Variants in ADCK1 observed in about 807,000 individuals in gnomAD.
ADCK1 encodes aarF domain containing kinase 1, also known as aarF domain-containing protein kinase 1.
Under a neutral mutation model 52.3 loss-of-function variants are expected in ADCK1, and 41 were observed. The ratio of observed to expected loss-of-function variants is 0.78; its 90% CI spans 0.61 to 1.02. ADCK1 has a LOEUF of 1.02. Ranked by LOEUF, ADCK1 falls within the 50% of genes least tolerant of loss-of-function variation. The pLI is 0.00. For synonymous variants in ADCK1, 250 were observed against 274.6 expected (o/e 0.91, Z 0.89); for missense variants, 658 against 679.5 (o/e 0.97, Z 0.35).
In ADCK1 at chr14:77,829,172, A is replaced by G. The variant is rs1477821004; in HGVS notation, c.219+6654A>G. Among the ~76,000 whole-genome samples the G allele has an allele frequency of 2.0e-5, 3 of 151,476 alleles. 1 individual carries two copies. In the South Asian group the frequency reaches 6.3e-4, roughly 32 times the overall value. On this transcript the variant is annotated intron_variant, in intron 3 of 10. Transcript: ENST00000238561. Reference sequence around the variant, plus strand: ...AGAAACCAAGTTGTAGAGGTTAGGTATATCGTTTTGCTACTGGGGTACCAT... The same window carrying G: ...AGAAACCAAGTTGTAGAGGTTAGGTGTATCGTTTTGCTACTGGGGTACCAT...
At chr14:77,831,864 C>T (rs566243014) in intron 3 of ADCK1, among the ~76,000 whole-genome samples, 10 of 152,250 alleles carry the variant, frequency 6.6e-5, no homozygotes, top group African/African-American at 1.7e-4. Flanking sequence ...GGGCTAAGGT[C>T]GGGTGACAAC....
intron 5 of ADCK1, among the ~76,000 whole-genome samples, chr14:77,897,346 A>G (rs537009875): frequency 1.4e-4 from 21 of 152,268 alleles, no homozygotes; most frequent in Admixed American, 4.6e-4. Flanking sequence ...TGTCCCTGGT[A>G]TCACCCTTGC....
At chr14:77,911,335 G>A (rs533812830) in intron 7 of ADCK1, among the ~76,000 whole-genome samples, 1 of 152,262 alleles carries the variant, frequency 6.6e-6, no homozygotes, top group East Asian at 1.9e-4. Flanking sequence ...AAAGGTAAAT[G>A]TGTGTTTTGT....
At chr14:77,893,408 C>T (rs2140223897) in intron 5 of ADCK1, among the ~76,000 whole-genome samples, 1 of 152,248 alleles carries the variant, frequency 6.6e-6, no homozygotes, top group East Asian at 1.9e-4. Flanking sequence ...CTACCATAAT[C>T]TCCAGGTCCT....
At chr14:77,900,568 C>G (rs772612838) in intron 6 of ADCK1, 2 of 455,234 alleles carry the variant, frequency 4.4e-6, no homozygotes, top group Non-Finnish European at 8.8e-6. Flanking sequence ...GCCTGGGCAA[C>G]AGAGCGAGAC....
intron 3 of ADCK1, among the ~76,000 whole-genome samples, chr14:77,842,507 CCTTCCTTCATTT>C (rs2082094798): frequency 7.1e-6 from 1 of 139,908 alleles, no homozygotes; most frequent in Non-Finnish European, 1.6e-5. Flanking sequence ...TTCCTTCCTT[CCTTCCTTCATTT>C]CCTCCCTCCC....
chr14:77,901,045 CTT>C (rs34756369), intron 6 of ADCK1, among the ~76,000 whole-genome samples: 20 of 134,082 alleles, frequency 1.5e-4, no homozygotes, highest in Admixed American at 1.5e-4. Context: ...AGTTGGTGTT[CTT>C]TTTTTTTTTT....
chr14:77,835,508 T>C (rs1021858034), intron 3 of ADCK1, among the ~76,000 whole-genome samples: 2 of 152,234 alleles, frequency 1.3e-5, no homozygotes, highest in African/African-American at 4.8e-5. Context: ...ATTTTATGTC[T>C]GTCATTAAGG....
intron 7 of ADCK1, among the ~76,000 whole-genome samples, chr14:77,914,101 C>T (rs2083861457): frequency 2.0e-5 from 3 of 152,076 alleles, no homozygotes; most frequent in Admixed American, 2.0e-4. Flanking sequence ...TGCTGGAGTC[C>T]CTCAGTTTCT....
At chr14:77,817,728 G>C (rs1189936929) in intron 1 of ADCK1, among the ~76,000 whole-genome samples, 4 of 152,048 alleles carry the variant, frequency 2.6e-5, no homozygotes, top group Non-Finnish European at 4.4e-5. Context: ...TTCAAGACAA[G>C]GGGTAGTCTT....
At chr14:77,874,019 C>T (rs2082843996) in intron 4 of ADCK1, among the ~76,000 whole-genome samples, 1 of 152,186 alleles carries the variant, frequency 6.6e-6, no homozygotes, top group African/African-American at 2.4e-5. Context: ...AACTAATACC[C>T]AAGGTGAGGT....
intron 3 of ADCK1, among the ~76,000 whole-genome samples, chr14:77,855,692 T>C (rs896129046): frequency 7.2e-5 from 11 of 152,202 alleles, no homozygotes; most frequent in African/African-American, 2.7e-4. Flanking sequence ...TTCATTTTTC[T>C]GATGGACAGT....
intron 7 of ADCK1, among the ~76,000 whole-genome samples, chr14:77,911,813 G>A (rs2083797766): frequency 6.6e-6 from 1 of 151,512 alleles, no homozygotes; most frequent in African/African-American, 2.4e-5. Context: ...ATCAACTTAT[G>A]AGGGAGGTCT....
chr14:77,817,609 CA>C (rs746992958), intron 1 of ADCK1, among the ~76,000 whole-genome samples: 7 of 152,176 alleles, frequency 4.6e-5, no homozygotes, highest in Non-Finnish European at 1.0e-4. Context: ...TGAATTTGAA[CA>C]GATCAAATCA....
In ADCK1 at chr14:77,878,086, T is replaced by C. The variant is rs547244777; in HGVS notation, c.424-9005T>C. Among the ~76,000 whole-genome samples the C allele has an allele frequency of 5.9e-5, 9 of 152,340 alleles. 1 individual carries two copies. In the Middle Eastern group the frequency reaches 0.014, roughly 230 times the overall value. ...CTTGTCAGAGTTGGCCATTTTACTTTTATTTGTGATTATGTGGTTACTTTC... is the reference window on the plus strand; with the variant it reads ...CTTGTCAGAGTTGGCCATTTTACTTCTATTTGTGATTATGTGGTTACTTTC... On this transcript the variant is annotated intron_variant, in intron 4 of 10. Coordinates refer to ENST00000238561, the MANE Select transcript of ADCK1 (RefSeq NM_020421.4).
At chr14:77,849,063 C>T (rs1207044918) in intron 3 of ADCK1, among the ~76,000 whole-genome samples, 2 of 152,100 alleles carry the variant, frequency 1.3e-5, no homozygotes, top group Non-Finnish European at 2.9e-5. Context: ...CTCCTGACCT[C>T]GTGATCTGCC....
At chr14:77,890,902 G>A (rs1262691328) in intron 5 of ADCK1, among the ~76,000 whole-genome samples, 2 of 152,170 alleles carry the variant, frequency 1.3e-5, no homozygotes, top group Non-Finnish European at 2.9e-5. Context: ...TGATGGGGAA[G>A]GGGGCAGGTT....
intron 4 of ADCK1, among the ~76,000 whole-genome samples, chr14:77,882,837 G>T (rs978524484): frequency 6.6e-6 from 1 of 152,144 alleles, no homozygotes; most frequent in African/African-American, 2.4e-5. Flanking sequence ...TCTGCCCTTT[G>T]ACTTGGGTAT....
At chr14:77,881,730 C>G (rs916800450) in intron 4 of ADCK1, among the ~76,000 whole-genome samples, 1 of 152,132 alleles carries the variant, frequency 6.6e-6, no homozygotes, top group African/African-American at 2.4e-5. Flanking sequence ...TAGCCTCAAG[C>G]AGTCCTCTTG....
Sources: allele counts gnomAD v4.1 joint callset (sites outside exome capture counted in the v4.1 genomes callset), GRCh38; gene constraint gnomAD v4.1.1; transcripts MANE v1.5; gene names NCBI Gene and HGNC (gene_info 2026-07-23, HGNC 2026-07-21).